LRRC49: variants seen among roughly 807,000 people sequenced by gnomAD.
The protein encoded by LRRC49 is leucine rich repeat containing 49, also known as leucine-rich repeat-containing protein 49.
Under a neutral mutation model 83.3 loss-of-function variants are expected in LRRC49, and 50 were observed. The ratio of observed to expected loss-of-function variants is 0.60; its 90% CI spans 0.48 to 0.76. LRRC49 has a LOEUF of 0.76. LRRC49 is among the 30% of genes least tolerant of loss of function. The pLI is 0.00. For missense variants in LRRC49, 704 were observed against 809.1 expected, an observed-to-expected ratio of 0.87 and a Z score of 1.58; for synonymous variants, 286 against 283.3, an observed-to-expected ratio of 1.01 and a Z score of -0.10.
intron 7 of LRRC49, among the ~76,000 whole-genome samples, chr15:70,921,867 C>T (rs180750230): frequency 1.3e-5 from 2 of 152,120 alleles, no homozygotes; most frequent in African/African-American, 4.8e-5. Context: ...TGAACAGACA[C>T]CTTCTCTGAT....
At chr15:70,895,712 T>C in intron 2 of LRRC49, 137 bp from the exon 3 acceptor site, 1 of 528,884 alleles carries the variant, frequency 1.9e-6, no homozygotes, top group Non-Finnish European at 3.3e-6. Flanking sequence ...TCAGTTTTCT[T>C]TCACTTGGCA....
At chr15:70,876,571 T>C (rs973113771) in intron 2 of LRRC49, among the ~76,000 whole-genome samples, 1 of 152,176 alleles carries the variant, frequency 6.6e-6, no homozygotes, top group African/African-American at 2.4e-5. Context: ...AATCAGCACC[T>C]TTCTCCCGAG....
intron 11 of LRRC49, among the ~76,000 whole-genome samples, chr15:71,002,934 C>T (rs1392470954): frequency 4.0e-4 from 36 of 91,084 alleles, no homozygotes; most frequent in Non-Finnish European, 5.3e-4. Context: ...AGGATATTTT[C>T]TGGCCTTTTT....
At chr15:70,964,076 G>A (rs2036707474) in intron 9 of LRRC49, 144 bp downstream of exon 9, 2 of 713,292 alleles carry the variant, frequency 2.8e-6, no homozygotes, top group South Asian at 9.6e-5. Flanking sequence ...TTGCAATTAT[G>A]TAGTTTTTAC....
chr15:70,945,590 T>G (rs558175806), intron 8 of LRRC49, among the ~76,000 whole-genome samples: 30 of 150,836 alleles, frequency 2.0e-4, no homozygotes, highest in African/African-American at 7.3e-4. Flanking sequence ...TCCAGGTTAT[T>G]AGACGGGTTG....
At position 71,009,829 on chromosome 15, in the gene LRRC49, A is replaced by AAAT; in HGVS notation, c.1430_1431insAAT (p.Asn477delinsLysIle). The AAAT allele has an allele frequency of 6.2e-7, 1 of 1,611,670 alleles. No individual in the cohort carries two copies. Among genetic ancestry groups the AAAT allele is most frequent in the Non-Finnish European group, 8.5e-7 (1 of 1,178,486 alleles). ...CAGCACCTTAAATTCAAGGAAACAAATCTTGTAATGCTGCAGCAATTTAAC... is the reference window on the plus strand; with the variant it reads ...CAGCACCTTAAATTCAAGGAAACAAAAATTCTTGTAATGCTGCAGCAATTTAAC... On this transcript the variant is annotated protein_altering_variant, in exon 13 of 16. Coordinates refer to ENST00000260382, the MANE Select transcript of LRRC49 (RefSeq NM_017691.5).
At chr15:70,895,733 A>G in intron 2 of LRRC49, 116 bp from the exon 3 acceptor site, 1 of 563,148 alleles carries the variant, frequency 1.8e-6, no homozygotes, top group South Asian at 2.6e-5. Flanking sequence ...TGATGTTTTC[A>G]AGGTTCATCC....
chr15:70,854,151 A>T, intron 1 of LRRC49: 1 of 1,164,288 alleles, frequency 8.6e-7, no homozygotes, highest in Non-Finnish European at 1.1e-6. Flanking sequence ...GCCGGTCGGC[A>T]GCGACTGCGA....
At chr15:70,947,306 A>T (rs2036043394) in intron 8 of LRRC49, among the ~76,000 whole-genome samples, 1 of 152,170 alleles carries the variant, frequency 6.6e-6, no homozygotes, top group African/African-American at 2.4e-5. Flanking sequence ...CATCTCTTTC[A>T]TCTAAAGAAT....
At position 71,053,490 on chromosome 15, in the gene LRRC49, G is replaced by A. The variant is rs868827151; in HGVS notation, c.*3878G>A. 10 of 152,160 alleles carry A rather than the reference G, an allele frequency of 6.6e-5. No homozygotes were observed. Among genetic ancestry groups the A allele is most frequent in the African/African-American group, 2.2e-4 (9 of 41,422 alleles). 9.4% of individuals were successfully genotyped at this position (152,160 alleles called of 1,614,324 possible). A position where few individuals can be genotyped will look rare whatever the true frequency, so the allele number is the denominator to read the frequency against. On this transcript the variant is annotated 3_prime_UTR_variant, in exon 16 of 16. Coordinates refer to ENST00000260382, the MANE Select transcript of LRRC49 (RefSeq NM_017691.5). ...CACACATCTCAGCATATGTTGAGAT[G>A]GTTGTTAAATATCCAAGTGCAGGTG...
chr15:70,931,171 A>C (rs1338438090), intron 7 of LRRC49, among the ~76,000 whole-genome samples: 2 of 152,004 alleles, frequency 1.3e-5, no homozygotes, highest in South Asian at 4.1e-4. Flanking sequence ...TCATTTTTTC[A>C]CTTGAGCACT....
At chr15:71,049,046 TAC>T (rs1471371309) in intron 15 of LRRC49, among the ~76,000 whole-genome samples, 1 of 152,220 alleles carries the variant, frequency 6.6e-6, no homozygotes, top group African/African-American at 2.4e-5. Context: ...TGTATCCTGA[TAC>T]ATTTACCACA....
At chr15:70,977,167 C>G (rs1217109407) in intron 9 of LRRC49, among the ~76,000 whole-genome samples, 1 of 152,120 alleles carries the variant, frequency 6.6e-6, no homozygotes, top group African/African-American at 2.4e-5. Flanking sequence ...GTATTTTGCT[C>G]TTTTAAACAC....
At chr15:70,973,717 T>C (rs965643181) in intron 9 of LRRC49, among the ~76,000 whole-genome samples, 2 of 152,218 alleles carry the variant, frequency 1.3e-5, no homozygotes, top group Admixed American at 6.5e-5. Context: ...TCAGTCTGGC[T>C]ACAGTGACTT....
chr15:70,919,861 C>T (rs577617865), intron 7 of LRRC49, among the ~76,000 whole-genome samples: 2 of 152,134 alleles, frequency 1.3e-5, no homozygotes, highest in East Asian at 1.9e-4. Context: ...AAAAAGAGTT[C>T]GATTGTGGGG....
intron 11 of LRRC49, among the ~76,000 whole-genome samples, chr15:70,987,737 A>G (rs1032651936): frequency 4.6e-5 from 7 of 151,732 alleles, no homozygotes; most frequent in Admixed American, 2.6e-4. Context: ...TAGGGTGTCA[A>G]TTTTGGATCT....
intron 9 of LRRC49, among the ~76,000 whole-genome samples, chr15:70,977,789 TTATC>T (rs983781644): frequency 3.3e-5 from 5 of 152,118 alleles, no homozygotes; most frequent in Admixed American, 2.6e-4. Context: ...AAACTCTTCT[TTATC>T]TATCTAAAAT....
chr15:71,024,727 TCTCCAG>T (rs1250547405), intron 14 of LRRC49, among the ~76,000 whole-genome samples: 5 of 150,948 alleles, frequency 3.3e-5, no homozygotes, highest in African/African-American at 1.2e-4. Flanking sequence ...TCACAACACC[TCTCCAG>T]CAAGGACACA....
intron 14 of LRRC49, among the ~76,000 whole-genome samples, chr15:71,033,799 A>T (rs547767252): frequency 1.6e-4 from 25 of 152,328 alleles, no homozygotes; most frequent in African/African-American, 4.8e-4. Context: ...GGGATTCCCT[A>T]TTTAATAAAT....
Sources: gnomAD v4.1 joint callset for allele counts (sites outside exome capture counted in the v4.1 genomes callset) on GRCh38, gnomAD v4.1.1 for gene constraint, MANE v1.5 for transcripts, NCBI Gene and HGNC (gene_info 2026-07-23, HGNC 2026-07-21) for gene names.